NELL1: variants seen among roughly 807,000 people sequenced by gnomAD.
NELL1 encodes protein kinase C-binding protein NELL1.
A neutral mutation model predicts 107.4 loss-of-function variants in NELL1; 76 were observed. The observed-to-expected ratio is 0.71, with a 90% CI of 0.59 to 0.86. The LOEUF (loss-of-function observed/expected upper bound fraction) is 0.86, where lower values mean the gene tolerates loss of function less well. Ranked by LOEUF, NELL1 falls within the 40% of genes least tolerant of loss-of-function variation. The pLI is 0.00. For synonymous variants in NELL1, 353 were observed against 341.2 expected, an observed-to-expected ratio of 1.03 and a Z score of -0.38; for missense variants, 1,024 against 1,005.5, an observed-to-expected ratio of 1.02 and a Z score of -0.25.
chr11:21,372,473 A>G (rs1851378155), intron 15 of NELL1, among the ~76,000 whole-genome samples: 1 of 152,024 alleles, frequency 6.6e-6, no homozygotes, highest in Non-Finnish European at 1.5e-5. Context: ...AAGATTAAAC[A>G]AAGGAGTTAG....
chr11:20,856,146 C>T (rs75956730), intron 4 of NELL1, among the ~76,000 whole-genome samples: 27 of 152,272 alleles, frequency 1.8e-4, no homozygotes, highest in Admixed American at 1.0e-3. Context: ...GAGGCTTGCA[C>T]GGAAAATGTT....
chr11:20,693,977 GTTCGT>G (rs1854545231), intron 2 of NELL1, among the ~76,000 whole-genome samples: 1 of 152,030 alleles, frequency 6.6e-6, no homozygotes, highest in East Asian at 1.9e-4. Flanking sequence ...TGGAGGCTTT[GTTCGT>G]TTCTTTTTAT....
chr11:20,947,414 C>G lies in NELL1; in HGVS notation c.1150C>G (p.Gln384Glu). The G allele has an allele frequency of 1.2e-6, 2 of 1,613,944 alleles. No individual in the cohort carries two copies. Among genetic ancestry groups the G allele is most frequent in the Non-Finnish European group, 1.7e-6 (2 of 1,179,896 alleles). ...AAAGGATCACATTCTTCCTGAGAAT[C>G]AGTGCTGCCGTGTCTGTAGAGGTAA... is the stretch of plus-strand genomic sequence containing the variant. The part of the protein sequence containing the change: ...SEKDHILPEN[Q>E]CCRVCRGHNF... The change falls in exon 11 of 20, where the codon CAG becomes GAG. Residue 384 changes from glutamine (Q) to glutamate (E), a missense_variant. By Grantham distance (29) the Gln-to-Glu change is conservative. Coordinates refer to ENST00000357134, the MANE Select transcript of NELL1 (RefSeq NM_006157.5).
chr11:21,065,855 A>G (rs1206477944), intron 12 of NELL1, among the ~76,000 whole-genome samples: 3 of 152,254 alleles, frequency 2.0e-5, no homozygotes, highest in African/African-American at 7.2e-5. Context: ...AAATCAAACT[A>G]GAATTTTTAA....
At chr11:21,119,153 T>G (rs1855303265) in intron 13 of NELL1, among the ~76,000 whole-genome samples, 2 of 152,040 alleles carry the variant, frequency 1.3e-5, no homozygotes. Flanking sequence ...CTTTGAAATC[T>G]TAGTAGTTTA....
chr11:21,314,006 C>T (rs1388530347), intron 14 of NELL1, among the ~76,000 whole-genome samples: 5 of 105,600 alleles, frequency 4.7e-5, no homozygotes, highest in Admixed American at 1.8e-4. Context: ...CCCCCCCCCC[C>T]CCCGCGACCC....
chr11:21,278,749 G>T (rs139291757), intron 14 of NELL1, among the ~76,000 whole-genome samples: 1 of 152,090 alleles, frequency 6.6e-6, no homozygotes, highest in Non-Finnish European at 1.5e-5. Context: ...AATAAAAATC[G>T]TAGGGAGTTA....
intron 13 of NELL1, among the ~76,000 whole-genome samples, chr11:21,193,820 A>G (rs1007234528): frequency 4.0e-5 from 6 of 151,898 alleles, no homozygotes; most frequent in African/African-American, 1.5e-4. Context: ...AGAAGTCAGT[A>G]TCTGATTTTT....
intron 15 of NELL1, among the ~76,000 whole-genome samples, chr11:21,533,240 A>C (rs1409542149): frequency 6.6e-6 from 1 of 152,194 alleles, no homozygotes; most frequent in Non-Finnish European, 1.5e-5. Context: ...CTAAATTAAC[A>C]GCCCGGTGCA....
chr11:21,313,729 GA>G (rs1338645075), intron 14 of NELL1, among the ~76,000 whole-genome samples: 2 of 152,094 alleles, frequency 1.3e-5, no homozygotes, highest in African/African-American at 2.4e-5. Flanking sequence ...AGGCTTTTGA[GA>G]AACAGCCAAA....
chr11:21,304,774 A>C (rs1849571575), intron 14 of NELL1, among the ~76,000 whole-genome samples: 1 of 151,650 alleles, frequency 6.6e-6, no homozygotes, highest in South Asian at 2.1e-4. Context: ...TGTTTCTTCC[A>C]TTTCCCCTGC....
At chr11:20,919,618 A>G (rs972283106) in intron 7 of NELL1, among the ~76,000 whole-genome samples, 3 of 152,078 alleles carry the variant, frequency 2.0e-5, no homozygotes, top group Admixed American at 6.6e-5. Context: ...GAATTTTCCT[A>G]TTGGCTATTA....
At chr11:21,340,140 A>G (rs992751969) in intron 14 of NELL1, among the ~76,000 whole-genome samples, 1 of 151,946 alleles carries the variant, frequency 6.6e-6, no homozygotes. Flanking sequence ...TGCTTTACCT[A>G]CTTTTTGTTT....
chr11:21,312,132 C>T (rs778789100), intron 14 of NELL1, among the ~76,000 whole-genome samples: 1 of 152,100 alleles, frequency 6.6e-6, no homozygotes, highest in Non-Finnish European at 1.5e-5. Context: ...TTGTAAGTTA[C>T]TCTGTGTATG....
intron 4 of NELL1, among the ~76,000 whole-genome samples, chr11:20,870,379 C>G (rs1404798189): frequency 6.6e-5 from 10 of 151,686 alleles, no homozygotes; most frequent in African/African-American, 2.4e-4. Context: ...TTCATTTGGT[C>G]TTGGAAATTA....
chr11:20,693,432 G>A (rs1854525206), intron 2 of NELL1, among the ~76,000 whole-genome samples: 1 of 152,006 alleles, frequency 6.6e-6, no homozygotes, highest in Admixed American at 6.6e-5. Flanking sequence ...TACCGGTTGT[G>A]CCTTTCCACA....
intron 4 of NELL1, among the ~76,000 whole-genome samples, chr11:20,864,758 C>G (rs925789883): frequency 6.6e-6 from 1 of 152,382 alleles, no homozygotes; most frequent in South Asian, 2.1e-4. Context: ...TTTACCCAAG[C>G]CTGACTTCAC....
At chr11:20,720,202 G>GTTTTTTTTTTTTTTTTTTTTTTT (rs72275946) in intron 2 of NELL1, among the ~76,000 whole-genome samples, 4 of 141,058 alleles carry the variant, frequency 2.8e-5, no homozygotes, top group Non-Finnish European at 3.0e-5. Flanking sequence ...GTTCATTCCT[G>GTTTTTTTTTTTTTTTTTTTTTTT]TTTTTTTTTT....
intron 17 of NELL1, among the ~76,000 whole-genome samples, chr11:21,568,230 G>C (rs554942607): frequency 2.6e-5 from 4 of 151,888 alleles, no homozygotes; most frequent in Admixed American, 2.0e-4. Context: ...GTGAGTATTT[G>C]TATATCCAAA....
Sources: allele counts gnomAD v4.1 joint callset (sites outside exome capture counted in the v4.1 genomes callset), GRCh38; gene constraint gnomAD v4.1.1; transcripts MANE v1.5; gene names NCBI Gene and HGNC (gene_info 2026-07-23, HGNC 2026-07-21).